TJP1: variants seen among roughly 807,000 people sequenced by gnomAD.
The protein encoded by TJP1 is tight junction protein ZO-1.
A neutral mutation model predicts 194.2 loss-of-function variants in TJP1; 43 were observed. The ratio of observed to expected loss-of-function variants is 0.22; its 90% CI spans 0.17 to 0.29. The LOEUF (loss-of-function observed/expected upper bound fraction) is 0.29, where lower values mean the gene tolerates loss of function less well. Among genes scored for constraint, TJP1 ranks in the 10% least tolerant of loss-of-function variants. TJP1 has a pLI of 1.00. For synonymous variants in TJP1, 801 were observed against 779.0 expected (o/e 1.03, Z -0.47); for missense variants, 1,971 against 2,185.7 (o/e 0.90, Z 1.96).
chr15:29,761,477 CTTA>C (rs1180478778), intron 7 of TJP1, 121 bp downstream of exon 7: 1 of 1,342,632 alleles, frequency 7.4e-7, no homozygotes, highest in East Asian at 2.5e-5. Flanking sequence ...GTATATAAAA[CTTA>C]TAGATTTTGA....
intron 8 of TJP1, among the ~76,000 whole-genome samples, chr15:29,756,098 TC>T (rs2045628105): frequency 6.6e-6 from 1 of 151,962 alleles, no homozygotes; most frequent in Non-Finnish European, 1.5e-5. Context: ...TCAAATACTC[TC>T]TACTTATGCA....
At chr15:29,938,506 A>C (rs1321909658) in intron 2 of TJP1, among the ~76,000 whole-genome samples, 1 of 152,232 alleles carries the variant, frequency 6.6e-6, no homozygotes, top group Non-Finnish European at 1.5e-5. Context: ...ACTTGCAGAA[A>C]GTAAACAAGA....
At chr15:29,730,831 A>G in intron 15 of TJP1, 6 of 1,013,954 alleles carry the variant, frequency 5.9e-6, no homozygotes, top group Non-Finnish European at 7.8e-6. Context: ...CCAGAGCCCA[A>G]GCCTAAAAAG....
At chr15:29,852,273 A>T (rs1567134603) in intron 2 of TJP1, among the ~76,000 whole-genome samples, 1 of 152,228 alleles carries the variant, frequency 6.6e-6, no homozygotes. Context: ...TTCAACTGTA[A>T]AAAAACAAAC....
At chr15:29,802,970 A>G (rs1268162443) in intron 1 of TJP1, among the ~76,000 whole-genome samples, 1 of 152,192 alleles carries the variant, frequency 6.6e-6, no homozygotes, top group African/African-American at 2.4e-5. Context: ...TTGTAAGAAG[A>G]TGTTAATCAA....
At chr15:29,707,031 T>A (rs1469871371) in intron 25 of TJP1, among the ~76,000 whole-genome samples, 1 of 152,092 alleles carries the variant, frequency 6.6e-6, no homozygotes, top group African/African-American at 2.4e-5. Context: ...AAAATCTCCC[T>A]AGGATTTTAA....
At chr15:29,916,794 T>C (rs1387341167) in intron 2 of TJP1, among the ~76,000 whole-genome samples, 1 of 152,204 alleles carries the variant, frequency 6.6e-6, no homozygotes, top group Non-Finnish European at 1.5e-5. Flanking sequence ...AAAAACTAAC[T>C]CAAGTTAATT....
intron 8 of TJP1, among the ~76,000 whole-genome samples, chr15:29,752,060 C>A (rs986217881): frequency 6.6e-5 from 10 of 152,124 alleles, no homozygotes; most frequent in African/African-American, 2.4e-4. Context: ...TCCTGAGTAC[C>A]CAGGATCACA....
intron 2 of TJP1, among the ~76,000 whole-genome samples, chr15:29,895,392 C>T (rs773090547): frequency 5.9e-5 from 9 of 152,342 alleles, no homozygotes; most frequent in Non-Finnish European, 1.2e-4. Context: ...TTTCATTGCT[C>T]ATAAGTTCTA....
intron 27 of TJP1, among the ~76,000 whole-genome samples, chr15:29,703,467 A>G (rs2150976399): frequency 6.6e-6 from 1 of 152,206 alleles, no homozygotes; most frequent in African/African-American, 2.4e-5. Context: ...AACAAACAAA[A>G]AATAAATTAA....
intron 2 of TJP1, among the ~76,000 whole-genome samples, chr15:29,949,878 C>CCTT (rs2055588500): frequency 1.1e-5 from 1 of 95,024 alleles, no homozygotes; most frequent in Non-Finnish European, 2.0e-5. Context: ...TCCACCTCCA[C>CCTT]AACCACCACC....
chr15:29,733,753 G>C (rs956016710), intron 12 of TJP1, among the ~76,000 whole-genome samples: 2 of 152,152 alleles, frequency 1.3e-5, no homozygotes, highest in African/African-American at 4.8e-5. Context: ...CATCTAGTGA[G>C]CAGAGGCTAG....
chr15:29,961,394 T>C (rs2056157023), intron 1 of TJP1, among the ~76,000 whole-genome samples: 1 of 126,070 alleles, frequency 7.9e-6, no homozygotes, highest in Non-Finnish European at 1.6e-5. Context: ...CAGGCCGGAC[T>C]GCGGACTGCA....
At chr15:29,774,421 T>C (rs1402526110) in intron 2 of TJP1, among the ~76,000 whole-genome samples, 1 of 152,178 alleles carries the variant, frequency 6.6e-6, no homozygotes, top group African/African-American at 2.4e-5. Context: ...AAACATTGTG[T>C]GTAAAAAGGA....
Position 29,727,055 on chromosome 15 carries a change from T to C in TJP1, c.2101-64A>G, listed in dbSNP as rs1407340604. On this transcript the variant is annotated intron_variant, in intron 16 of 27. Coordinates refer to ENST00000614355, the MANE Select transcript of TJP1 (RefSeq NM_001330239.4). ...CATCATTAATTAAGAATCACCAAAT[T>C]CAGCTGGGTGCAGTGGCTCACGCTA... 2.0e-6 allele frequency: 3 copies of C among 1,483,248 alleles called. No homozygotes were observed. The African/African-American group carries it at 4.2e-5, about 21-fold the overall frequency. 91.9% of individuals were successfully genotyped at this position (1,483,248 alleles called of 1,614,324 possible).
At chr15:29,907,203 A>G (rs183907056) in intron 2 of TJP1, among the ~76,000 whole-genome samples, 17 of 152,062 alleles carry the variant, frequency 1.1e-4, no homozygotes, top group Non-Finnish European at 2.4e-4. Context: ...AGGTCAGGAG[A>G]TCGAGACCAT....
At position 29,836,242 on chromosome 15, in the gene TJP1, C is replaced by T. The variant is rs575855361; in HGVS notation, c.307-35540G>A. Among the ~76,000 whole-genome samples the T allele has an allele frequency of 6.6e-5, 10 of 152,010 alleles. No individual in the cohort carries two copies. In the South Asian group the frequency reaches 8.3e-4, roughly 13 times the overall value. ...TGGACTTACTGCTGCTTCTTGCTGA[C>T]ACTATTGTTACGTTATCTGTGGGAT... On this transcript the variant is annotated intron_variant, in intron 2 of 28. Coordinates refer to the TJP1 transcript ENST00000356107.
chr15:29,960,668 C>G (rs559453529), intron 1 of TJP1, among the ~76,000 whole-genome samples: 1 of 151,370 alleles, frequency 6.6e-6, no homozygotes, highest in South Asian at 2.1e-4. Context: ...ATCAGTAGCG[C>G]TAAAGTGGTG....
intron 2 of TJP1, among the ~76,000 whole-genome samples, chr15:29,869,449 G>T (rs2052417932): frequency 6.6e-6 from 1 of 152,172 alleles, no homozygotes; most frequent in Admixed American, 6.5e-5. Flanking sequence ...AGATTTGGCA[G>T]TGTTTATCAA....
Sources: allele counts gnomAD v4.1 joint callset (sites outside exome capture counted in the v4.1 genomes callset), GRCh38; gene constraint gnomAD v4.1.1; transcripts MANE v1.5; gene names NCBI Gene and HGNC (gene_info 2026-07-23, HGNC 2026-07-21).